RBM20: variants seen among roughly 807,000 people sequenced by gnomAD.
RBM20 encodes the protein RNA binding motif protein 20, also known as RNA-binding protein 20.
Under a neutral mutation model 110.1 loss-of-function variants are expected in RBM20, and 51 were observed. The ratio of observed to expected loss-of-function variants is 0.46; its 90% CI spans 0.37 to 0.59. RBM20 has a LOEUF of 0.59. RBM20 is among the 20% of genes least tolerant of loss of function. The pLI, the probability that RBM20 is intolerant of heterozygous loss-of-function variation, is 0.00. For synonymous variants in RBM20, 589 were observed against 618.2 expected, an observed-to-expected ratio of 0.95 and a Z score of 0.70; for missense variants, 1,512 against 1,574.9, an observed-to-expected ratio of 0.96 and a Z score of 0.68.
At chr10:110,660,481 G>A (rs112427276) in intron 1 of RBM20, among the ~76,000 whole-genome samples, 17,721 of 152,156 alleles carry the variant, frequency 0.12, 1,362 homozygotes, top group East Asian at 0.23. Flanking sequence ...ACAGCAGGAG[G>A]TGAGCGGTGG....
At chr10:110,820,232 C>A (rs996760513) in intron 10 of RBM20, 56 bp downstream of exon 10, 10 of 1,205,810 alleles carry the variant, frequency 8.3e-6, no homozygotes, top group Non-Finnish European at 1.1e-5. Context: ...TCACAGGAGT[C>A]CCCCTTTTGC....
chr10:110,801,251 A>AC (rs1564850614), intron 7 of RBM20, among the ~76,000 whole-genome samples: 1 of 151,698 alleles, frequency 6.6e-6, no homozygotes, highest in East Asian at 1.9e-4. Flanking sequence ...ACATGGTGAA[A>AC]CCCCGTCTCT....
intron 1 of RBM20, among the ~76,000 whole-genome samples, chr10:110,767,621 C>G (rs1288899404): frequency 6.6e-6 from 1 of 150,822 alleles, no homozygotes; most frequent in Non-Finnish European, 1.5e-5. Context: ...ACGGGGCGGA[C>G]GGGCAGAGAC....
intron 13 of RBM20, among the ~76,000 whole-genome samples, chr10:110,834,875 G>A (rs1845103203): frequency 6.6e-6 from 1 of 152,180 alleles, no homozygotes; most frequent in South Asian, 2.1e-4. Flanking sequence ...ACTCCAGATA[G>A]CCCAAGAGCA....
At chr10:110,783,932 A>G (rs1590676991) in intron 3 of RBM20, among the ~76,000 whole-genome samples, 1 of 152,104 alleles carries the variant, frequency 6.6e-6, no homozygotes, top group East Asian at 1.9e-4. Flanking sequence ...GCAACCACCA[A>G]TCTGCCTTCT....
intron 1 of RBM20, among the ~76,000 whole-genome samples, chr10:110,733,193 G>C (rs1217277366): frequency 6.6e-6 from 1 of 152,216 alleles, no homozygotes; most frequent in Non-Finnish European, 1.5e-5. Flanking sequence ...CTACTTACTT[G>C]AAGTTGTTCT....
At chr10:110,656,325 A>G (rs905754475) in intron 1 of RBM20, among the ~76,000 whole-genome samples, 1 of 151,542 alleles carries the variant, frequency 6.6e-6, no homozygotes, top group South Asian at 2.1e-4. Context: ...AAAAATTATC[A>G]CCCCACAATG....
At chr10:110,765,245 A>G (rs1362770866) in intron 1 of RBM20, among the ~76,000 whole-genome samples, 2 of 152,120 alleles carry the variant, frequency 1.3e-5, no homozygotes, top group African/African-American at 2.4e-5. Context: ...GGCATCTCTT[A>G]AGGGTGAGGT....
At chr10:110,786,889 G>C (rs535252705) in intron 5 of RBM20, among the ~76,000 whole-genome samples, 1 of 152,198 alleles carries the variant, frequency 6.6e-6, no homozygotes, top group Admixed American at 6.5e-5. Context: ...GTCTGGGTAC[G>C]GGGAAGAGAT....
intron 1 of RBM20, among the ~76,000 whole-genome samples, chr10:110,751,796 A>G (rs1843856936): frequency 6.6e-6 from 1 of 152,218 alleles, no homozygotes; most frequent in South Asian, 2.1e-4. Flanking sequence ...AGAAATTAAA[A>G]AAAACTCTAT....
chr10:110,754,228 A>T (rs544045763), intron 1 of RBM20, among the ~76,000 whole-genome samples: 3 of 152,222 alleles, frequency 2.0e-5, no homozygotes, highest in South Asian at 2.1e-4. Context: ...TCTAAGTATG[A>T]TCCCTTTTAA....
intron 1 of RBM20, among the ~76,000 whole-genome samples, chr10:110,677,093 G>A (rs1008671820): frequency 2.0e-5 from 3 of 152,068 alleles, no homozygotes; most frequent in Non-Finnish European, 4.4e-5. Context: ...ATCTGGTAAG[G>A]GCCTTCTTGC....
chr10:110,833,867 A>C (rs947138796), intron 13 of RBM20, among the ~76,000 whole-genome samples: 1 of 152,144 alleles, frequency 6.6e-6, no homozygotes, highest in Non-Finnish European at 1.5e-5. Flanking sequence ...CCCAGATAGG[A>C]TTTCTGTCAG....
intron 2 of RBM20, 21 bp downstream of exon 2, chr10:110,781,905 T>A (rs1167055360): frequency 6.4e-7 from 1 of 1,551,554 alleles, no homozygotes; most frequent in Non-Finnish European, 8.7e-7. Flanking sequence ...CAAGACAGGC[T>A]GGGAGCCACA....
intron 1 of RBM20, among the ~76,000 whole-genome samples, chr10:110,665,743 A>G (rs188941871): frequency 3.7e-4 from 56 of 152,292 alleles, no homozygotes; most frequent in African/African-American, 1.3e-3. Context: ...TGTATTATTT[A>G]TTTGATTATG....
chr10:110,775,230 C>T (rs1259395773), intron 1 of RBM20, among the ~76,000 whole-genome samples: 1 of 152,240 alleles, frequency 6.6e-6, no homozygotes, highest in East Asian at 1.9e-4. Context: ...TCAGCCCTCT[C>T]ACCTCGATTA....
chr10:110,781,844 A>G lies in RBM20; in HGVS notation c.1235A>G (p.His412Arg). 6.4e-7 allele frequency: 1 copy of G among 1,551,720 alleles called. No individual in the cohort carries two copies. Among genetic ancestry groups the G allele is most frequent in the Non-Finnish European group, 8.7e-7 (1 of 1,147,000 alleles). Residue 412 changes from histidine (H) to arginine (R), a missense_variant, in exon 2 of 14, where the codon CAT becomes CGT. By Grantham distance (29) the His-to-Arg change is conservative. This residue lies in a region of RBM20 where 1,149 missense variants were observed against 1,169.4 expected (regional missense o/e 0.98). Transcript: ENST00000369519. ...GGTGTGGCCCCCCTCCACTTGCCGC[A>G]TATCTGTAGCATCTGTGACAAGAAG... is the stretch of plus-strand genomic sequence containing the variant. The part of the protein sequence containing the change: ...FHGVAPLHLP[H>R]ICSICDKKVF...
chr10:110,720,286 G>C (rs935772925), intron 1 of RBM20, among the ~76,000 whole-genome samples: 2 of 152,172 alleles, frequency 1.3e-5, no homozygotes, highest in Admixed American at 1.3e-4. Context: ...ATGCCAAGGA[G>C]GTTGGCACAA....
intron 1 of RBM20, among the ~76,000 whole-genome samples, chr10:110,746,471 A>G (rs964544861): frequency 6.6e-6 from 1 of 152,216 alleles, no homozygotes; most frequent in African/African-American, 2.4e-5. Context: ...AATAGATTTA[A>G]AAGGTTGCTC....
Sources: gnomAD v4.1 joint callset for allele counts (sites outside exome capture counted in the v4.1 genomes callset) on GRCh38, gnomAD v4.1.1 for gene constraint, gnomAD v4.1.1 regional missense constraint, MANE v1.5 for transcripts, NCBI Gene and HGNC (gene_info 2026-07-23, HGNC 2026-07-21) for gene names.